Variants in NPC1L1 observed in about 807,000 individuals in gnomAD.
NPC1L1 encodes NPC1-like intracellular cholesterol transporter 1.
A neutral mutation model predicts 117.0 loss-of-function variants in NPC1L1; 98 were observed. The observed-to-expected ratio is 0.84, with a 90% CI of 0.71 to 0.99. The LOEUF (loss-of-function observed/expected upper bound fraction) is 0.99. NPC1L1 is among the 50% of genes least tolerant of loss of function. The pLI, the probability that NPC1L1 is intolerant of heterozygous loss-of-function variation, is 0.00. For synonymous variants in NPC1L1, 729 were observed against 727.6 expected (o/e 1.00, Z -0.03); for missense variants, 1,540 against 1,710.0 (o/e 0.90, Z 1.75).
At position 44,539,647 on chromosome 7, in the gene NPC1L1, G is replaced by C. The variant is rs776060837; in HGVS notation, c.750C>G (p.Asp250Glu). The C allele has an allele frequency of 4.3e-6, 7 of 1,613,738 alleles. No individual in the cohort carries two copies. The African/African-American group carries it at 9.3e-5, about 22-fold the overall frequency. Residue 250 changes from aspartate (D) to glutamate (E), a missense_variant, in exon 2 of 19, where the codon GAC (aspartate) becomes GAG (glutamate). Asp to Glu is a conservative substitution (Grantham distance 45, BLOSUM62 2). Coordinates refer to ENST00000381160, the MANE Select transcript of NPC1L1 (RefSeq NM_001101648.2). The surrounding 1 kb of genome is among the most constrained non-coding windows in gnomAD (Gnocchi z 4.4). ...AGTCTTGGCAGGAGCAGGTCGCCAC[G>C]TCGTCACCTTGGGACTCATTGCAAC... is the stretch of plus-strand genomic sequence containing the variant. ...VARCNESQGD[D>E]VATCSCQDCA... is the part of the protein sequence containing the mutation.
chr7:44,533,352 G>T, intron 8 of NPC1L1, 79 bp downstream of exon 8: 1 of 1,577,994 alleles, frequency 6.3e-7, no homozygotes, highest in Non-Finnish European at 8.7e-7. Context: ...CCATCTCTGT[G>T]GTGGTAAAGC....
chr7:44,532,271 G>T (rs939915237), intron 8 of NPC1L1, 54 bp from the exon 9 acceptor site: 4 of 1,610,104 alleles, frequency 2.5e-6, no homozygotes, highest in Non-Finnish European at 3.4e-6. Context: ...AGGCCCCAGG[G>T]ACCACCTTCT....
intron 10 of NPC1L1, among the ~76,000 whole-genome samples, chr7:44,529,866 T>C (rs927712694): frequency 9.3e-5 from 14 of 151,336 alleles, no homozygotes; most frequent in Non-Finnish European, 1.9e-4. Context: ...AAACCCTGTC[T>C]CTACTAAAAG....
chr7:44,535,809 C>G, intron 5 of NPC1L1, 31 bp downstream of exon 5: 2 of 1,611,950 alleles, frequency 1.2e-6, no homozygotes, highest in South Asian at 1.1e-5. Context: ...CCTGGGCTAG[C>G]CCACTTAGCT....
rs1801980099 is a variant in NPC1L1, at chr7:44,538,859, G to A, written c.1538C>T (p.Thr513Ile). 5.6e-6 allele frequency: 9 copies of A among 1,614,202 alleles called. No individual in the cohort carries two copies. Among genetic ancestry groups the A allele is most frequent in the Non-Finnish European group, 7.6e-6 (9 of 1,180,042 alleles). ...ATGGTCCTTCCAGTCGACTTGGGAG[G>A]TCTGCCCCATCAGTGTCTGGTTGGC... ...LTANQTLMGQ[T>I]SQVDWKDHFL... The change falls in exon 2 of 19, where the codon ACC becomes ATC. Residue 513 changes from threonine to isoleucine, a missense_variant. By Grantham distance (89) the Thr-to-Ile change is moderately conservative. Transcript: ENST00000381160. The surrounding 1 kb of genome is among the most constrained non-coding windows in gnomAD (Gnocchi z 5.9).
chr7:44,536,486 G>T lies in NPC1L1; in HGVS notation c.1682-58C>A. On this transcript the variant is annotated intron_variant, in intron 3 of 18. Transcript: ENST00000381160. This position sits in a 1 kb window ranked among gnomAD's most constrained non-coding sequence, Gnocchi z 4.7. ...GCACCCGTGCCTCCCTCCCCCTCCAGCTGCACCCCTATATTCCCTCCCCCT... is the reference window on the plus strand; with the variant it reads ...GCACCCGTGCCTCCCTCCCCCTCCATCTGCACCCCTATATTCCCTCCCCCT... The T allele has an allele frequency of 6.4e-7, 1 of 1,565,590 alleles. No individual in the cohort carries two copies. Among genetic ancestry groups the T allele is most frequent in the Non-Finnish European group, 8.7e-7 (1 of 1,154,172 alleles).
intron 14 of NPC1L1, among the ~76,000 whole-genome samples, chr7:44,519,783 A>G (rs1411229494): frequency 1.3e-5 from 2 of 150,320 alleles, no homozygotes; most frequent in Non-Finnish European, 3.0e-5. Context: ...TGTCAGTCCA[A>G]CTGCATCTCT....
chr7:44,537,236 C>T (rs1377973768), intron 2 of NPC1L1, among the ~76,000 whole-genome samples: 1 of 152,220 alleles, frequency 6.6e-6, no homozygotes, highest in Admixed American at 6.5e-5. Context: ...AGGGGCTGCT[C>T]CGGGACCTGT....
In NPC1L1 at chr7:44,523,594, G is replaced by C. The variant is rs546614485; in HGVS notation, c.2638-1352C>G. Among the ~76,000 whole-genome samples, 17 of 152,278 alleles carry C rather than the reference G, an allele frequency of 1.1e-4. No homozygotes were observed. The South Asian group carries it at 3.5e-3, about 32-fold the overall frequency. ...CATCCACCAAATATCAGCTGGGCATGATGGCTTACACTTGTAATTTCAGAA... is the reference window on the plus strand; with the variant it reads ...CATCCACCAAATATCAGCTGGGCATCATGGCTTACACTTGTAATTTCAGAA... On this transcript the variant is annotated intron_variant, in intron 10 of 18. Coordinates refer to ENST00000381160, the MANE Select transcript of NPC1L1 (RefSeq NM_001101648.2).
At chr7:44,529,982 C>A (rs936397101) in intron 10 of NPC1L1, among the ~76,000 whole-genome samples, 1 of 150,856 alleles carries the variant, frequency 6.6e-6, no homozygotes, top group Non-Finnish European at 1.5e-5. Flanking sequence ...TGCAGTAAGC[C>A]GAGTCTGCAC....
chr7:44,518,344 A>G (rs982487209), intron 14 of NPC1L1, among the ~76,000 whole-genome samples: 19 of 150,076 alleles, frequency 1.3e-4, no homozygotes, highest in African/African-American at 4.4e-4. Context: ...TAATTTTTGT[A>G]TTTTTAGTAG....
Position 44,541,217 on chromosome 7 carries a change from G to A in NPC1L1, c.43C>T (p.Leu15Phe), listed in dbSNP as rs1802093137. Residue 15 changes from leucine (L) to phenylalanine (F), a missense_variant, in exon 1 of 19, where the codon CTC (leucine) becomes TTC (phenylalanine). Around this residue, in one of 3 missense-constraint regions of NPC1L1, gnomAD observed 793 missense variants for 820.4 expected, o/e 0.97. Coordinates refer to ENST00000381160, the MANE Select transcript of NPC1L1 (RefSeq NM_001101648.2). ...GLRGWLLWALLLRLAQSEPYT... is the reference protein window; with the variant it reads ...GLRGWLLWALFLRLAQSEPYT... The stretch of plus-strand genomic sequence containing the variant: ...GCCCTGGGACTCACCAAGCGCAGGA[G>A]CAGGGCCCACAGCAGCCAGCCCCTC... The A allele has an allele frequency of 3.2e-6, 5 of 1,549,912 alleles. No individual in the cohort carries two copies. Among genetic ancestry groups the A allele is most frequent in the Non-Finnish European group, 4.4e-6 (5 of 1,146,836 alleles).
At position 44,521,827 on chromosome 7, in the gene NPC1L1, CA is replaced by C. The variant is rs771818657; in HGVS notation, c.2837del (p.Leu946ArgfsTer16). On this transcript the variant is annotated frameshift_variant, in exon 12 of 19. Transcript: ENST00000381160. LOFTEE classifies it high-confidence loss of function. ...YATEFPEQSYLAIPASSWVDD... is the reference protein window; with the variant it reads ...YATEFPEQSYXAIPASSWVDD... ...CCACCCAGGAGGAGGCAGGGATGGC[CA>C]GGTAAGACCTAAGGGGCAGGTGGGA... 6.2e-7 allele frequency: 1 copy of C among 1,614,066 alleles called. No homozygotes were observed. Among genetic ancestry groups the C allele is most frequent in the East Asian group, 2.2e-5 (1 of 44,870 alleles).
rs1431007826 is a variant in NPC1L1, at chr7:44,520,751, A to C, written c.3136+14T>G. ...CCGATTTATGTCCTCCCCTCCAGGC[A>C]AGGCCATGCTTACCTAAAACCTGGC... On this transcript the variant is annotated intron_variant, in intron 14 of 18. Coordinates refer to ENST00000381160, the MANE Select transcript of NPC1L1 (RefSeq NM_001101648.2). The C allele has an allele frequency of 6.2e-7, 1 of 1,613,144 alleles. No homozygotes were observed.
Position 44,533,764 on chromosome 7 carries a change from G to A in NPC1L1, c.2256C>T (p.Leu752=). Residue 752 remains leucine, a synonymous_variant, in exon 7 of 19, where the codon CTC becomes CTT. Transcript: ENST00000381160. ...RVAPSMLLCS[L]SEAICFFLGA... ...CTAGGAAGAAGCAGATGGCCTCAGA[G>A]AGGCTGCACAACAGCATGCTGGGAG... 6.2e-7 allele frequency: 1 copy of A among 1,614,146 alleles called. No homozygotes were observed. Among genetic ancestry groups the A allele is most frequent in the Non-Finnish European group, 8.5e-7 (1 of 1,180,024 alleles).
At position 44,516,708 on chromosome 7, in the gene NPC1L1, C is replaced by T. The variant is rs764180139; in HGVS notation, c.3514G>A (p.Val1172Ile). 1.9e-6 allele frequency: 3 copies of T among 1,609,410 alleles called. No homozygotes were observed. Among genetic ancestry groups the T allele is most frequent in the Non-Finnish European group, 2.5e-6 (3 of 1,177,868 alleles). The change falls in exon 16 of 19, where the codon GTC (valine) becomes ATC (isoleucine). Residue 1172 changes from valine to isoleucine, a missense_variant. Around this residue, in one of 3 missense-constraint regions of NPC1L1, gnomAD observed 742 missense variants for 873.6 expected, o/e 0.85. Coordinates refer to ENST00000381160, the MANE Select transcript of NPC1L1 (RefSeq NM_001101648.2). ...GCCTGTGTCTGCTGGGTTACCGAGACCAGGTTGATGAGGGACACAGCATTG... is the reference window on the plus strand; with the variant it reads ...GCCTGTGTCTGCTGGGTTACCGAGATCAGGTTGATGAGGGACACAGCATTG... ...SYNAVSLINL[V>I]SAVGMSVEFV...
intron 10 of NPC1L1, among the ~76,000 whole-genome samples, chr7:44,530,287 G>A (rs1334123492): frequency 2.0e-5 from 3 of 151,840 alleles, no homozygotes; most frequent in Non-Finnish European, 4.4e-5. Flanking sequence ...GCGGTGAGCC[G>A]AGATCACACC....
At chr7:44,527,445 G>C (rs539423474) in intron 10 of NPC1L1, among the ~76,000 whole-genome samples, 1 of 69,712 alleles carries the variant, frequency 1.4e-5, no homozygotes, top group Non-Finnish European at 2.7e-5. Flanking sequence ...TGGGCAACAA[G>C]AGCAAAACAA....
intron 10 of NPC1L1, among the ~76,000 whole-genome samples, chr7:44,524,751 A>T (rs1196066297): frequency 1.3e-5 from 2 of 152,092 alleles, no homozygotes; most frequent in East Asian, 3.8e-4. Flanking sequence ...CTCAAAAAAT[A>T]AATAAATAAA....
Sources: allele counts gnomAD v4.1 joint callset (sites outside exome capture counted in the v4.1 genomes callset), GRCh38; gene constraint gnomAD v4.1.1; regional missense constraint gnomAD v4.1.1; non-coding constraint Gnocchi (gnomAD v3.1); transcripts MANE v1.5; gene names NCBI Gene and HGNC (gene_info 2026-07-23, HGNC 2026-07-21).